Variants in SNTG1 observed in about 807,000 individuals in gnomAD.
SNTG1 encodes the protein syntrophin gamma 1.
In SNTG1, 39 loss-of-function variants were observed where a neutral mutation model predicts 74.7. That is an observed-to-expected ratio of 0.52 (90% CI 0.40 to 0.68). The LOEUF is 0.68. Among genes scored for constraint, SNTG1 ranks in the 30% least tolerant of loss-of-function variants. The pLI, the probability that SNTG1 is intolerant of heterozygous loss-of-function variation, is 0.00. For synonymous variants in SNTG1, 254 were observed against 217.1 expected (o/e 1.17, Z -1.49); for missense variants, 685 against 609.5 (o/e 1.12, Z -1.30).
intron 1 of SNTG1, among the ~76,000 whole-genome samples, chr8:49,962,307 T>C (rs1221650093): frequency 6.7e-6 from 1 of 149,562 alleles, no homozygotes; most frequent in Non-Finnish European, 1.5e-5. Context: ...GGTTCTTTTT[T>C]GGGGGGCGGG....
intron 1 of SNTG1, among the ~76,000 whole-genome samples, chr8:50,093,796 A>T (rs976582723): frequency 6.6e-6 from 1 of 152,202 alleles, no homozygotes; most frequent in Admixed American, 6.5e-5. Context: ...GAAGGTAGTG[A>T]AAAGCCATCA....
At chr8:50,051,696 C>T (rs1030347410) in intron 1 of SNTG1, among the ~76,000 whole-genome samples, 9 of 152,074 alleles carry the variant, frequency 5.9e-5, no homozygotes, top group African/African-American at 7.2e-5. Context: ...CATCCTCTGC[C>T]GTTCTGCCAC....
chr8:50,698,765 A>T (rs1434650396), intron 15 of SNTG1, among the ~76,000 whole-genome samples: 3 of 152,142 alleles, frequency 2.0e-5, no homozygotes, highest in East Asian at 3.9e-4. Context: ...TACTTCTTAC[A>T]GTCTCCCAGC....
Position 50,688,952 on chromosome 8 carries a change from C to G in SNTG1, c.1039-15648C>G, listed in dbSNP as rs551775053. Among the ~76,000 whole-genome samples, 144 of 152,224 alleles carry G rather than the reference C, an allele frequency of 9.5e-4. 1 individual carries two copies. The highest frequency in any genetic ancestry group is 3.4e-3 in the African/African-American group (140 of 41,538). On this transcript the variant is annotated intron_variant, in intron 15 of 18. Transcript: ENST00000642720. ...TTTCATTGAGCAGTGGTTTGTAGTT[C>G]TCCTTGACTAGGTCCTTCACATCCC...
At chr8:50,210,999 G>T (rs1414038431) in intron 2 of SNTG1, among the ~76,000 whole-genome samples, 1 of 152,188 alleles carries the variant, frequency 6.6e-6, no homozygotes, top group South Asian at 2.1e-4. Context: ...TTATGCATTG[G>T]TAATGTATGA....
At chr8:50,060,153 T>TG (rs1455872901) in intron 1 of SNTG1, among the ~76,000 whole-genome samples, 2 of 152,134 alleles carry the variant, frequency 1.3e-5, no homozygotes, top group African/African-American at 4.8e-5. Flanking sequence ...ATAGATTCTT[T>TG]GGAGACATAT....
intron 18 of SNTG1, among the ~76,000 whole-genome samples, chr8:50,768,339 A>C (rs73677510): frequency 0.02 from 3,031 of 152,112 alleles, 97 homozygotes; most frequent in African/African-American, 0.065. Context: ...GAGAAAAAAA[A>C]ATGTTTCTGA....
chr8:50,053,412 T>A (rs1223544730), intron 1 of SNTG1, among the ~76,000 whole-genome samples: 1 of 151,914 alleles, frequency 6.6e-6, no homozygotes, highest in Non-Finnish European at 1.5e-5. Flanking sequence ...AATAGACTGG[T>A]GGTTTCCAGG....
At chr8:50,750,136 C>T (rs1409088650) in intron 17 of SNTG1, among the ~76,000 whole-genome samples, 1 of 151,920 alleles carries the variant, frequency 6.6e-6, no homozygotes, top group Non-Finnish European at 1.5e-5. Context: ...GAAGTTGAAT[C>T]AATTCTAAAC....
At chr8:50,689,946 G>T (rs2095370338) in intron 15 of SNTG1, among the ~76,000 whole-genome samples, 1 of 152,198 alleles carries the variant, frequency 6.6e-6, no homozygotes, top group Admixed American at 6.5e-5. Flanking sequence ...GGTCTATTCA[G>T]AGATTCAACT....
chr8:50,557,278 C>G (rs555478887), intron 12 of SNTG1, among the ~76,000 whole-genome samples: 1 of 150,102 alleles, frequency 6.7e-6, no homozygotes, highest in Non-Finnish European at 1.5e-5. Context: ...GGACTCCTGA[C>G]ATACAGAGAT....
chr8:50,101,153 T>C (rs1011248374), intron 1 of SNTG1, among the ~76,000 whole-genome samples: 12 of 152,156 alleles, frequency 7.9e-5, no homozygotes, highest in African/African-American at 2.9e-4. Flanking sequence ...GGTATATATG[T>C]ACCACATTTT....
rs569855355 is a variant in SNTG1, at chr8:50,101,772, T to C, written c.-102-70789T>C. Among the ~76,000 whole-genome samples, 679 of 151,774 alleles carry C rather than the reference T, an allele frequency of 4.5e-3. 7 individuals carry two copies. The highest frequency in any genetic ancestry group is 0.019 in the South Asian group (89 of 4,786). On this transcript the variant is annotated intron_variant, in intron 1 of 18. Coordinates refer to ENST00000642720, the MANE Select transcript of SNTG1 (RefSeq NM_018967.5). ...CCCTTCCTGTGTCCATGTGTTCTCA[T>C]TGTTCAATTCCCACCTATGAGTGAG...
rs1360598336 is a variant in SNTG1 at position 50,172,573 on chromosome 8, A to G, written c.-90A>G. ...TTTCTGCATCTAGACTGCTCTCCAG[A>G]ATGTTGAGATTGCCCGAGAAGTGAC... On this transcript the variant is annotated 5_prime_UTR_variant, in exon 2 of 19. Coordinates refer to ENST00000642720, the MANE Select transcript of SNTG1 (RefSeq NM_018967.5). 2 of 152,016 alleles carry G rather than the reference A, an allele frequency of 1.3e-5. No homozygotes were observed. Among genetic ancestry groups the G allele is most frequent in the Admixed American group, 1.3e-4 (2 of 15,248 alleles). The allele number at this position is 152,016 out of a possible 1,614,324, so 9.4% of individuals were successfully genotyped here. A position where few individuals can be genotyped will look rare whatever the true frequency, so the allele number is the denominator to read the frequency against.
At chr8:50,169,220 C>A (rs562868600) in intron 1 of SNTG1, among the ~76,000 whole-genome samples, 1 of 152,140 alleles carries the variant, frequency 6.6e-6, no homozygotes, top group Non-Finnish European at 1.5e-5. Flanking sequence ...TAATTTATTT[C>A]ACAAAAAGAC....
At chr8:50,360,851 C>T (rs180881739) in intron 2 of SNTG1, among the ~76,000 whole-genome samples, 11 of 152,148 alleles carry the variant, frequency 7.2e-5, no homozygotes, top group Admixed American at 4.6e-4. Context: ...GTGCACGAGT[C>T]AGTGAGTGAG....
chr8:50,381,586 GTGTGTGTA>G (rs901567017), intron 2 of SNTG1, among the ~76,000 whole-genome samples: 7 of 137,738 alleles, frequency 5.1e-5, no homozygotes, highest in African/African-American at 1.6e-4. Context: ...GTGTGTGTGT[GTGTGTGTA>G]TATATATATA....
At chr8:50,357,607 G>C (rs1479556041) in intron 2 of SNTG1, among the ~76,000 whole-genome samples, 3 of 152,128 alleles carry the variant, frequency 2.0e-5, no homozygotes, top group African/African-American at 7.2e-5. Flanking sequence ...AAAGGAAATG[G>C]ACCAGCCTTG....
chr8:50,320,776 A>G (rs10957880), intron 2 of SNTG1, among the ~76,000 whole-genome samples: 71,868 of 151,846 alleles, frequency 0.47, 19,408 homozygotes, highest in East Asian at 0.83. Flanking sequence ...TGACCCACTC[A>G]TCATTCAGGA....
Sources: gnomAD v4.1 joint callset for allele counts (sites outside exome capture counted in the v4.1 genomes callset) on GRCh38, gnomAD v4.1.1 for gene constraint, MANE v1.5 for transcripts, NCBI Gene and HGNC (gene_info 2026-07-23, HGNC 2026-07-21) for gene names.